TENM3: variants seen among roughly 807,000 people sequenced by gnomAD.
The protein encoded by TENM3 is teneurin transmembrane protein 3.
A neutral mutation model predicts 255.1 loss-of-function variants in TENM3; 63 were observed. The observed-to-expected ratio is 0.25, with a 90% CI of 0.20 to 0.30. The LOEUF is 0.30. TENM3 is among the 10% of genes least tolerant of loss of function. The pLI is 1.00. For synonymous variants in TENM3, 1,306 were observed against 1,322.3 expected, an observed-to-expected ratio of 0.99 and a Z score of 0.27; for missense variants, 2,929 against 3,461.1, an observed-to-expected ratio of 0.85 and a Z score of 3.86.
the TENM3 span, among the ~76,000 whole-genome samples, chr4:181,453,303 A>G: frequency 6.6e-6 from 1 of 152,162 alleles, no homozygotes; most frequent in Non-Finnish European, 1.5e-5. Flanking sequence ...AAGTGAGCAA[A>G]CAAGCTAGGT....
the TENM3 span, among the ~76,000 whole-genome samples, chr4:181,957,414 C>T: frequency 4.5e-4 from 68 of 152,106 alleles, no homozygotes; most frequent in Admixed American, 1.1e-3. Flanking sequence ...GGTCAAATCC[C>T]AGTGAAACGT....
the TENM3 span, among the ~76,000 whole-genome samples, chr4:181,796,594 G>T: frequency 6.6e-6 from 1 of 152,306 alleles, no homozygotes; most frequent in East Asian, 1.9e-4. Context: ...GCCCCAGGAA[G>T]GGGAGGGGTG....
chr4:182,543,666 C>CAT (rs142391880), intron 3 of TENM3, among the ~76,000 whole-genome samples: 9,091 of 151,510 alleles, frequency 0.06, 352 homozygotes, highest in Middle Eastern at 0.11. Flanking sequence ...AACATATTTT[C>CAT]ATATATATAT....
At chr4:182,155,932 G>A (rs183995146) in intron 1 of TENM3, among the ~76,000 whole-genome samples, 6 of 151,472 alleles carry the variant, frequency 4.0e-5, no homozygotes, top group Non-Finnish European at 7.4e-5. Context: ...CTCTGTAGCT[G>A]AACCCTCACA....
chr4:182,438,801 A>G (rs920399177), intron 3 of TENM3, among the ~76,000 whole-genome samples: 2 of 152,306 alleles, frequency 1.3e-5, no homozygotes, highest in African/African-American at 4.8e-5. Flanking sequence ...ATTCTAAAAT[A>G]CTCTAACTTC....
At chr4:182,211,440 A>C (rs1039283490) in intron 1 of TENM3, among the ~76,000 whole-genome samples, 2 of 152,114 alleles carry the variant, frequency 1.3e-5, no homozygotes, top group African/African-American at 4.8e-5. Flanking sequence ...TCGCTTTTCT[A>C]TTTGAAAATT....
chr4:181,800,406 C>A, the TENM3 span, among the ~76,000 whole-genome samples: 14 of 152,242 alleles, frequency 9.2e-5, no homozygotes, highest in East Asian at 2.5e-3. Flanking sequence ...CCGAGGCAGG[C>A]GGATCACCTG....
At chr4:181,950,308 C>G in the TENM3 span, among the ~76,000 whole-genome samples, 1 of 152,072 alleles carries the variant, frequency 6.6e-6, no homozygotes, top group Admixed American at 6.6e-5. Flanking sequence ...CCCTTATCTT[C>G]CTTCGCTGAG....
At chr4:182,424,891 T>A (rs961898193) in intron 3 of TENM3, among the ~76,000 whole-genome samples, 1 of 152,216 alleles carries the variant, frequency 6.6e-6, no homozygotes, top group East Asian at 1.9e-4. Context: ...CTTAAAATTA[T>A]ATTTAACCTC....
At chr4:181,722,199 G>A in the TENM3 span, among the ~76,000 whole-genome samples, 7 of 152,194 alleles carry the variant, frequency 4.6e-5, no homozygotes, top group Non-Finnish European at 1.0e-4. Context: ...GGGGATCAGG[G>A]CATAATGGAA....
At position 182,789,479 on chromosome 4, in the gene TENM3, G is replaced by C. The variant is rs1765937038; in HGVS notation, c.5601+90G>C. On this transcript the variant is annotated intron_variant, in intron 25 of 27. Transcript: ENST00000511685. The surrounding 1 kb of genome is among the most constrained non-coding windows in gnomAD (Gnocchi z 4.4). ...GAGCACTAAGGGGAAAAAAAACAGT[G>C]GCACATGACTGAGTTCCATTTGTTA... The C allele has an allele frequency of 2.5e-6, 3 of 1,195,524 alleles. No individual in the cohort carries two copies. Among genetic ancestry groups the C allele is most frequent in the Non-Finnish European group, 3.5e-6 (3 of 854,770 alleles). 74.1% of individuals were successfully genotyped at this position (1,195,524 alleles called of 1,614,324 possible).
chr4:182,714,022 T>G, intron 12 of TENM3, 65 bp from the exon 13 acceptor site: 1 of 1,401,594 alleles, frequency 7.1e-7, no homozygotes, highest in Non-Finnish European at 1.0e-6. Context: ...GTCCCTTATC[T>G]GTTTATTTTA....
chr4:182,458,050 A>G (rs1412435555), intron 3 of TENM3, among the ~76,000 whole-genome samples: 2 of 152,198 alleles, frequency 1.3e-5, no homozygotes, highest in Admixed American at 6.5e-5. Flanking sequence ...ATATTTGCTC[A>G]AGGCAAATCA....
the TENM3 span, among the ~76,000 whole-genome samples, chr4:181,625,310 G>T: frequency 2.0e-5 from 3 of 152,262 alleles, no homozygotes; most frequent in South Asian, 6.2e-4. Context: ...TTCTCAACAG[G>T]TTTGCTTCTG....
the TENM3 span, among the ~76,000 whole-genome samples, chr4:182,100,544 TAC>T: frequency 3.0e-5 from 4 of 134,840 alleles, no homozygotes; most frequent in South Asian, 2.3e-4. Context: ...CATATATATA[TAC>T]ACACACATAT....
the TENM3 span, among the ~76,000 whole-genome samples, chr4:182,110,727 A>G: frequency 6.6e-6 from 1 of 152,210 alleles, no homozygotes; most frequent in East Asian, 1.9e-4. Flanking sequence ...GTCTTCCCAT[A>G]TATGATGTCA....
the TENM3 span, among the ~76,000 whole-genome samples, chr4:181,719,868 G>A: frequency 2.1e-3 from 323 of 152,218 alleles, no homozygotes; most frequent in Non-Finnish European, 3.6e-3. Flanking sequence ...AAATACCTCT[G>A]GGTCTCTTTG....
At chr4:182,463,278 G>C (rs1400778512) in intron 3 of TENM3, among the ~76,000 whole-genome samples, 3 of 152,062 alleles carry the variant, frequency 2.0e-5, no homozygotes, top group Non-Finnish European at 4.4e-5. Flanking sequence ...GTGTTACTCT[G>C]TTTGATTCTG....
chr4:182,140,341 T>G (rs1749306759), upstream of TENM3, among the ~76,000 whole-genome samples: 1 of 152,114 alleles, frequency 6.6e-6, no homozygotes, highest in Admixed American at 6.5e-5. Context: ...AAGCTCCTTT[T>G]GGGCATATGT....
Sources: gnomAD v4.1 joint callset for allele counts (sites outside exome capture counted in the v4.1 genomes callset) on GRCh38, gnomAD v4.1.1 for gene constraint, Gnocchi (gnomAD v3.1) non-coding constraint, MANE v1.5 for transcripts, NCBI Gene and HGNC (gene_info 2026-07-23, HGNC 2026-07-21) for gene names.